Variants in SEMA5B observed in about 807,000 individuals in gnomAD.
The protein encoded by SEMA5B is semaphorin 5B, also known as semaphorin-5B.
SEMA5B carries 66 observed loss-of-function variants against 135.0 expected under a neutral mutation model. The ratio of observed to expected loss-of-function variants is 0.49; its 90% confidence interval spans 0.40 to 0.60. The LOEUF is 0.60. Ranked by LOEUF, SEMA5B falls within the 20% of genes least tolerant of loss-of-function variation. The pLI is 0.00. For missense variants in SEMA5B, 1,501 were observed against 1,566.3 expected (o/e 0.96, Z 0.70); for synonymous variants, 690 against 639.5 (o/e 1.08, Z -1.19).
At position 123,027,696 on chromosome 3, in the gene SEMA5B, G is replaced by A. The variant is rs1328874120; in HGVS notation, c.-271C>T. ...CTGCCGACCCGCCCGGCTCGGCGGAGCTGGGCTCTGGCACCAACCCCCGCG... is the reference window on the plus strand; with the variant it reads ...CTGCCGACCCGCCCGGCTCGGCGGAACTGGGCTCTGGCACCAACCCCCGCG... On this transcript the variant is annotated 5_prime_UTR_variant, in exon 1 of 23. Coordinates refer to ENST00000357599, the MANE Select transcript of SEMA5B (RefSeq NM_001031702.4). The A allele has an allele frequency of 6.6e-6, 1 of 152,240 alleles. No individual in the cohort carries two copies. The highest frequency in any genetic ancestry group is 1.5e-5 in the Non-Finnish European group (1 of 68,114). 9.4% of individuals were successfully genotyped at this position (152,240 alleles called of 1,614,324 possible).
chr3:122,973,752 G>A (rs1941212626), intron 1 of SEMA5B, among the ~76,000 whole-genome samples: 2 of 152,156 alleles, frequency 1.3e-5, no homozygotes, highest in Non-Finnish European at 2.9e-5. Flanking sequence ...GTCCCACTCT[G>A]GGAATCTGCA....
intron 18 of SEMA5B, 28 bp from the exon 19 acceptor site, chr3:122,912,370 C>T (rs373858071): frequency 6.5e-6 from 10 of 1,536,924 alleles, no homozygotes; most frequent in Non-Finnish European, 8.8e-6. Context: ...GTGTGAGGGG[C>T]TGTAGGGGCA....
chr3:123,020,624 A>G (rs1299574524), intron 1 of SEMA5B, among the ~76,000 whole-genome samples: 1 of 152,256 alleles, frequency 6.6e-6, no homozygotes, highest in Non-Finnish European at 1.5e-5. Flanking sequence ...GAGGCCAGGT[A>G]GAGCCTAGAA....
intron 18 of SEMA5B, among the ~76,000 whole-genome samples, 158 bp downstream of exon 18, chr3:122,912,685 C>T (rs1235608303): frequency 1.3e-5 from 2 of 151,648 alleles, no homozygotes; most frequent in Non-Finnish European, 2.9e-5. Context: ...GCATCTACGG[C>T]CGGGGCAGAA....
intron 1 of SEMA5B, among the ~76,000 whole-genome samples, chr3:122,963,802 T>C (rs1940697597): frequency 1.3e-5 from 2 of 152,240 alleles, no homozygotes; most frequent in South Asian, 4.1e-4. Flanking sequence ...CTGTTTCTAC[T>C]TCTCTGTTGT....
chr3:122,955,113 T>TC (rs1025955952), intron 2 of SEMA5B, among the ~76,000 whole-genome samples: 1 of 151,636 alleles, frequency 6.6e-6, no homozygotes, highest in African/African-American at 2.4e-5. Flanking sequence ...ATCATCTTCT[T>TC]CTTTTTTTTT....
intron 1 of SEMA5B, chr3:122,976,149 C>T (rs1171514899): frequency 2.9e-5 from 45 of 1,534,752 alleles, no homozygotes; most frequent in Middle Eastern, 1.7e-4. Flanking sequence ...TCATCACTTC[C>T]TCACCCTGTG....
intron 10 of SEMA5B, among the ~76,000 whole-genome samples, 154 bp downstream of exon 10, chr3:122,923,463 C>A (rs79113630): frequency 6.6e-6 from 1 of 152,216 alleles, no homozygotes; most frequent in East Asian, 1.9e-4. Context: ...GGCTAATACC[C>A]TCAGGGAACC....
intron 1 of SEMA5B, among the ~76,000 whole-genome samples, chr3:122,962,130 G>T (rs1284101768): frequency 6.6e-6 from 1 of 152,120 alleles, no homozygotes; most frequent in Non-Finnish European, 1.5e-5. Flanking sequence ...ATTCCCTTTT[G>T]CATCGTAAGG....
At chr3:123,027,435 G>A (rs932841331) in intron 1 of SEMA5B, 29 bp downstream of exon 1, 11 of 152,316 alleles carry the variant, frequency 7.2e-5, no homozygotes, top group African/African-American at 2.7e-4. Context: ...ACCCGCGCAG[G>A]GGAAGCGCCC....
chr3:123,015,010 T>G (rs1254280163), intron 1 of SEMA5B, among the ~76,000 whole-genome samples: 1 of 152,078 alleles, frequency 6.6e-6, no homozygotes, highest in African/African-American at 2.4e-5. Flanking sequence ...AGGGAGAACA[T>G]GTTGCAAAGA....
chr3:122,910,638 G>A (rs909668858), intron 22 of SEMA5B, among the ~76,000 whole-genome samples: 14 of 151,840 alleles, frequency 9.2e-5, no homozygotes, highest in Admixed American at 6.6e-5. Context: ...GTGAAACCCC[G>A]TCTCTACTAA....
intron 1 of SEMA5B, among the ~76,000 whole-genome samples, chr3:122,965,006 T>A (rs956883302): frequency 4.6e-5 from 7 of 152,072 alleles, no homozygotes; most frequent in Admixed American, 1.3e-4. Context: ...AGGAGGCTGG[T>A]GTTTGATTCC....
chr3:122,993,642 C>A (rs1259382632), intron 1 of SEMA5B, among the ~76,000 whole-genome samples: 1 of 152,124 alleles, frequency 6.6e-6, no homozygotes, highest in East Asian at 1.9e-4. Flanking sequence ...TAATTTCATG[C>A]AATCCCTCTC....
At chr3:122,910,671 G>A (rs185324535) in intron 22 of SEMA5B, among the ~76,000 whole-genome samples, 169 bp downstream of exon 22, 7,593 of 151,482 alleles carry the variant, frequency 0.05, 254 homozygotes, top group Middle Eastern at 0.11. Context: ...TTAGCCGGGC[G>A]TAGTGGCGGG....
chr3:122,956,011 C>T (rs1326990788), intron 2 of SEMA5B, among the ~76,000 whole-genome samples: 1 of 152,160 alleles, frequency 6.6e-6, no homozygotes, highest in African/African-American at 2.4e-5. Context: ...AGACATGTCT[C>T]CAGTGAGCAC....
chr3:123,012,500 G>C (rs748949183), intron 1 of SEMA5B, among the ~76,000 whole-genome samples: 1 of 152,212 alleles, frequency 6.6e-6, no homozygotes, highest in Non-Finnish European at 1.5e-5. Context: ...CCCCAGGTCT[G>C]TATGGAGCCA....
chr3:122,913,244 T>C lies in SEMA5B; in HGVS notation c.2461A>G (p.Thr821Ala). 6.3e-7 allele frequency: 1 copy of C among 1,585,938 alleles called. No individual in the cohort carries two copies. Among genetic ancestry groups the C allele is most frequent in the Non-Finnish European group, 8.5e-7 (1 of 1,174,852 alleles). ...GLQFGRRRTE[T>A]RTCPADGSGS... ...GAGCCGTCCGCGGGACAGGTCCTCGTCTCGGTCCTTCTCCTGCCGAACTGC... is the reference window on the plus strand; with the variant it reads ...GAGCCGTCCGCGGGACAGGTCCTCGCCTCGGTCCTTCTCCTGCCGAACTGC... The change falls in exon 17 of 23, where the codon ACG becomes GCG. Residue 821 changes from threonine to alanine, a missense_variant. Physicochemically the swap from Thr to Ala is moderately conservative, Grantham distance 58. Coordinates refer to ENST00000357599, the MANE Select transcript of SEMA5B (RefSeq NM_001031702.4).
At chr3:122,971,089 G>T (rs1181173955) in intron 1 of SEMA5B, among the ~76,000 whole-genome samples, 1 of 152,254 alleles carries the variant, frequency 6.6e-6, no homozygotes, top group Admixed American at 6.5e-5. Flanking sequence ...CCAGGAGACA[G>T]GAGGGCTGAC....
Sources: gnomAD v4.1 joint callset for allele counts (sites outside exome capture counted in the v4.1 genomes callset) on GRCh38, gnomAD v4.1.1 for gene constraint, MANE v1.5 for transcripts, NCBI Gene and HGNC (gene_info 2026-07-23, HGNC 2026-07-21) for gene names.